SEC24B: variants seen among roughly 807,000 people sequenced by gnomAD.
The protein encoded by SEC24B is protein transport protein Sec24B.
In SEC24B, 45 loss-of-function variants were observed where a neutral mutation model predicts 142.8. The ratio of observed to expected loss-of-function variants is 0.32; its 90% CI spans 0.25 to 0.40. SEC24B has a LOEUF of 0.40. Ranked by LOEUF, SEC24B falls within the 10% of genes least tolerant of loss-of-function variation. The pLI is 1.00. For missense variants in SEC24B, 1,409 were observed against 1,526.8 expected (o/e 0.92, Z 1.29); for synonymous variants, 574 against 568.2 (o/e 1.01, Z -0.15).
At position 109,463,340 on chromosome 4, in the gene SEC24B, C is replaced by T. The variant is rs377519783; in HGVS notation, c.573C>T (p.Ala191=). The change falls in exon 2 of 24, where the codon GCC becomes GCT. Residue 191 remains alanine, a synonymous_variant. Transcript: ENST00000265175. ...ATGCTATGTCAACTGTTTCTAATGC[C>T]GCGTATCCTAGTGTTTCATATCCCT... ...GHYAMSTVSN[A]AYPSVSYPSL... 102 of 1,614,040 alleles carry T rather than the reference C, an allele frequency of 6.3e-5. No individual in the cohort carries two copies. Among genetic ancestry groups the T allele is most frequent in the Non-Finnish European group, 4.1e-5 (48 of 1,180,036 alleles).
At position 109,511,996 on chromosome 4, in the gene SEC24B, C is replaced by T. The variant is rs993566753; in HGVS notation, c.1816C>T (p.Arg606Ter). Residue 606 changes from arginine (R) to a stop codon, truncating the protein, a stop_gained, in exon 9 of 24, where the codon CGA (arginine) becomes TGA (stop). Coordinates refer to ENST00000265175, the MANE Select transcript of SEC24B (RefSeq NM_006323.5). LOFTEE classifies it high-confidence loss of function. Reference protein sequence around the residue: ...VITSNTIVRCRSCRTYINPFV... With the variant: ...VITSNTIVRC ...AACATCAAATACCATTGTGAGGTGC[C>T]GATCCTGTCGAACGTATATTAACCC... 5 of 1,613,546 alleles carry T rather than the reference C, an allele frequency of 3.1e-6. No homozygotes were observed. The highest frequency in any genetic ancestry group is 4.2e-6 in the Non-Finnish European group (5 of 1,179,620).
chr4:109,448,138 T>C (rs1358174950), intron 1 of SEC24B, among the ~76,000 whole-genome samples: 1 of 152,256 alleles, frequency 6.6e-6, no homozygotes, highest in African/African-American at 2.4e-5. Context: ...ATTAACATTC[T>C]TAATACCATG....
intron 21 of SEC24B, among the ~76,000 whole-genome samples, 199 bp from the exon 22 acceptor site, chr4:109,533,394 T>C (rs1009980928): frequency 6.6e-6 from 1 of 152,230 alleles, no homozygotes; most frequent in Non-Finnish European, 1.5e-5. Context: ...ATATATTTTA[T>C]GGTAAGCCTT....
chr4:109,523,923 A>G (rs938500938), intron 14 of SEC24B, among the ~76,000 whole-genome samples: 1 of 152,200 alleles, frequency 6.6e-6, no homozygotes, highest in African/African-American at 2.4e-5. Flanking sequence ...AAAAGGCACC[A>G]TATTTCACCC....
rs549526747 is a variant in SEC24B, at chr4:109,458,651, A to G, written c.134-4250A>G. ...TACTATTCAGACATTAAAAATAATGATGGAAAGATATTCAAATCATGCTAA... is the reference window on the plus strand; with the variant it reads ...TACTATTCAGACATTAAAAATAATGGTGGAAAGATATTCAAATCATGCTAA... On this transcript the variant is annotated intron_variant, in intron 1 of 23. Transcript: ENST00000265175. 5.3e-5 allele frequency among the ~76,000 whole-genome samples: 8 copies of G among 152,352 alleles called. No homozygotes were observed. In the South Asian group the frequency reaches 1.4e-3, roughly 28 times the overall value.
At chr4:109,511,665 TTC>T (rs1410812174) in intron 8 of SEC24B, among the ~76,000 whole-genome samples, 3 of 152,204 alleles carry the variant, frequency 2.0e-5, no homozygotes, top group Non-Finnish European at 4.4e-5. Context: ...TATGGTATGT[TTC>T]TCTCTCACTG....
intron 11 of SEC24B, among the ~76,000 whole-genome samples, chr4:109,519,828 A>G (rs1723412785): frequency 6.6e-6 from 1 of 152,230 alleles, no homozygotes; most frequent in Non-Finnish European, 1.5e-5. Flanking sequence ...TTTTAAAGGC[A>G]TTGCTAAAAC....
At position 109,526,278 on chromosome 4, in the gene SEC24B, G is replaced by C; in HGVS notation, c.2844G>C (p.Leu948Phe). ...ACTTCTTTGTCCGTTCTACTGATTTGTTATCCCTTGCCAACATCAATCCTG... is the reference window on the plus strand; with the variant it reads ...ACTTCTTTGTCCGTTCTACTGATTTCTTATCCCTTGCCAACATCAATCCTG... ...HGNFFVRSTDLLSLANINPDA... is the reference protein window; with the variant it reads ...HGNFFVRSTDFLSLANINPDA... Residue 948 changes from leucine to phenylalanine, a missense_variant, in exon 17 of 24, where the codon TTG (leucine) becomes TTC (phenylalanine). Coordinates refer to ENST00000265175, the MANE Select transcript of SEC24B (RefSeq NM_006323.5). 1 of 1,613,898 alleles carries C rather than the reference G, an allele frequency of 6.2e-7. No homozygotes were observed. Among genetic ancestry groups the C allele is most frequent in the Non-Finnish European group, 8.5e-7 (1 of 1,179,934 alleles).
intron 1 of SEC24B, among the ~76,000 whole-genome samples, chr4:109,447,773 T>G (rs1729619527): frequency 6.6e-6 from 1 of 152,202 alleles, no homozygotes; most frequent in South Asian, 2.1e-4. Flanking sequence ...TATTTACTGC[T>G]GTAACAAATG....
intron 8 of SEC24B, among the ~76,000 whole-genome samples, chr4:109,511,022 C>T (rs542346813): frequency 1.1e-4 from 16 of 151,584 alleles, no homozygotes; most frequent in Admixed American, 5.3e-4. Context: ...TGATAAGTAC[C>T]GTGAATTTAT....
chr4:109,484,432 A>G (rs1366171825), intron 4 of SEC24B, among the ~76,000 whole-genome samples: 1 of 152,240 alleles, frequency 6.6e-6, no homozygotes, highest in African/African-American at 2.4e-5. Flanking sequence ...GGTATCTGCC[A>G]GGTTTCTCCA....
chr4:109,483,056 T>TTATA (rs1271937576), intron 4 of SEC24B, among the ~76,000 whole-genome samples: 3 of 97,936 alleles, frequency 3.1e-5, no homozygotes, highest in Admixed American at 9.5e-5. Flanking sequence ...ATTTATGTAT[T>TTATA]TATATATATA....
chr4:109,463,348 C>T lies in SEC24B; in HGVS notation c.581C>T (p.Pro194Leu). ...TCAACTGTTTCTAATGCCGCGTATC[C>T]TAGTGTTTCATATCCCTCTCTGCCT... ...AMSTVSNAAY[P>L]SVSYPSLPAG... The change falls in exon 2 of 24, where the codon CCT becomes CTT. Residue 194 changes from proline (P) to leucine (L), a missense_variant. Coordinates refer to ENST00000265175, the MANE Select transcript of SEC24B (RefSeq NM_006323.5). 3 of 1,614,190 alleles carry T rather than the reference C, an allele frequency of 1.9e-6. No homozygotes were observed. Among genetic ancestry groups the T allele is most frequent in the Non-Finnish European group, 2.5e-6 (3 of 1,180,042 alleles).
At chr4:109,520,602 G>A in intron 12 of SEC24B, 118 bp downstream of exon 12, 1 of 720,798 alleles carries the variant, frequency 1.4e-6, no homozygotes. Context: ...TTTAGTATTT[G>A]TTCAAAATAA....
chr4:109,530,228 C>T (rs78910716), intron 18 of SEC24B, 61 bp from the exon 19 acceptor site: 1 of 1,440,214 alleles, frequency 6.9e-7, no homozygotes, highest in Non-Finnish European at 9.4e-7. Context: ...TAAATTTTCT[C>T]TCTTATAGTG....
Position 109,471,544 on chromosome 4 carries a change from T to A in SEC24B, c.878-1460T>A, listed in dbSNP as rs1217217712. Among the ~76,000 whole-genome samples, 20 of 152,216 alleles carry A rather than the reference T, an allele frequency of 1.3e-4. 1 individual carries two copies. Among genetic ancestry groups the A allele is most frequent in the Admixed American group, 1.3e-3 (20 of 15,286 alleles). On this transcript the variant is annotated intron_variant, in intron 2 of 23. Transcript: ENST00000265175. ...TGGCAGTTTTAGTGATAATGTCAGT[T>A]ATCTATTGCTGGTTTAAAATAACAA... is the stretch of plus-strand genomic sequence containing the variant.
intron 2 of SEC24B, among the ~76,000 whole-genome samples, chr4:109,465,321 T>G (rs1238413185): frequency 6.6e-6 from 1 of 152,240 alleles, no homozygotes; most frequent in African/African-American, 2.4e-5. Context: ...TGAGCTAGAA[T>G]AGAATCTCCA....
rs1486800101 is a variant in SEC24B at position 109,540,326 on chromosome 4, A to G, written c.*651A>G. 3 of 152,666 alleles carry G rather than the reference A, an allele frequency of 2.0e-5. No individual in the cohort carries two copies. Among genetic ancestry groups the G allele is most frequent in the Admixed American group, 2.0e-4 (3 of 15,284 alleles). The allele number at this position is 152,666 out of a possible 1,614,324, so 9.5% of individuals were successfully genotyped here. A position where few individuals can be genotyped will look rare whatever the true frequency, so the allele number is the denominator to read the frequency against. On this transcript the variant is annotated 3_prime_UTR_variant, in exon 24 of 24. Transcript: ENST00000265175. ...TGACAACTCTTTTTGTCACAGTTAG[A>G]GAATGAGGTTGACTAATGCATATTA...
At chr4:109,511,875 T>G in intron 8 of SEC24B, 82 bp from the exon 9 acceptor site, 1 of 1,359,308 alleles carries the variant, frequency 7.4e-7, no homozygotes, top group East Asian at 2.3e-5. Context: ...GTTTATGTTC[T>G]GTATTTGGAG....
Sources: gnomAD v4.1 joint callset for allele counts (sites outside exome capture counted in the v4.1 genomes callset) on GRCh38, gnomAD v4.1.1 for gene constraint, MANE v1.5 for transcripts, NCBI Gene and HGNC (gene_info 2026-07-23, HGNC 2026-07-21) for gene names.